Variants in FYTTD1 observed in about 807,000 individuals in gnomAD.
The protein encoded by FYTTD1 is UAP56-interacting factor.
In FYTTD1, 22 loss-of-function variants were observed where a neutral mutation model predicts 40.9. The ratio of observed to expected loss-of-function variants is 0.54; its 90% CI spans 0.38 to 0.77. The LOEUF (loss-of-function observed/expected upper bound fraction) is 0.77. Among genes scored for constraint, FYTTD1 ranks in the 30% least tolerant of loss-of-function variants. The pLI is 0.00. For synonymous variants in FYTTD1, 140 were observed against 137.9 expected, an observed-to-expected ratio of 1.01 and a Z score of -0.10; for missense variants, 351 against 392.2, an observed-to-expected ratio of 0.90 and a Z score of 0.89.
At chr3:197,772,637 G>C (rs986311678) in intron 4 of FYTTD1, among the ~76,000 whole-genome samples, 5 of 152,280 alleles carry the variant, frequency 3.3e-5, no homozygotes, top group South Asian at 2.1e-4. Flanking sequence ...TTTTTGAGAT[G>C]AAGTCTGTGT....
intron 2 of FYTTD1, among the ~76,000 whole-genome samples, chr3:197,764,527 G>A (rs1176057969): frequency 6.6e-6 from 1 of 152,160 alleles, no homozygotes; most frequent in Non-Finnish European, 1.5e-5. Flanking sequence ...GGCCAACATA[G>A]TGAAACCCCA....
chr3:197,783,000 AT>A lies in FYTTD1; in HGVS notation c.*1094del, dbSNP rs1267941778. 2 of 152,598 alleles carry A rather than the reference AT, an allele frequency of 1.3e-5. No homozygotes were observed. The highest frequency in any genetic ancestry group is 3.8e-4 in the East Asian group (2 of 5,204). The allele number at this position is 152,598 out of a possible 1,614,324, so 9.5% of individuals were successfully genotyped here. ...ATGTCACAGAGAAAAAAAATGCAAA[AT>A]TTATAATAGAGTTACATTAACCTTG... On this transcript the variant is annotated 3_prime_UTR_variant, in exon 9 of 9. Coordinates refer to ENST00000241502, the MANE Select transcript of FYTTD1 (RefSeq NM_032288.7).
chr3:197,775,738 G>A (rs1025475230), intron 6 of FYTTD1, among the ~76,000 whole-genome samples: 8 of 152,320 alleles, frequency 5.3e-5, no homozygotes, highest in Non-Finnish European at 8.8e-5. Context: ...ACTGATACAG[G>A]TGGTATTCTT....
At chr3:197,767,465 A>G (rs1230160206) in intron 2 of FYTTD1, among the ~76,000 whole-genome samples, 1 of 149,904 alleles carries the variant, frequency 6.7e-6, no homozygotes, top group Non-Finnish European at 1.5e-5. Flanking sequence ...AACTAGAAAA[A>G]AGTATTTACT....
chr3:197,772,367 TAGA>T (rs994367294), intron 4 of FYTTD1, among the ~76,000 whole-genome samples: 1 of 152,192 alleles, frequency 6.6e-6, no homozygotes, highest in African/African-American at 2.4e-5. Context: ...CATGGAATGT[TAGA>T]GGATTGAATA....
intron 4 of FYTTD1, among the ~76,000 whole-genome samples, chr3:197,772,046 A>G (rs984052756): frequency 6.6e-6 from 1 of 152,124 alleles, no homozygotes; most frequent in African/African-American, 2.4e-5. Flanking sequence ...GTGAGTCAAG[A>G]TGGTGCCACT....
intron 7 of FYTTD1, among the ~76,000 whole-genome samples, chr3:197,777,950 G>C (rs149805548): frequency 1.4e-4 from 21 of 151,792 alleles, no homozygotes; most frequent in Admixed American, 1.0e-3. Flanking sequence ...GGCCTCAAGC[G>C]ATCCTTGTGC....
rs536800106 is a variant in FYTTD1, at chr3:197,750,627, G to C, written c.103+553G>C. 1.1e-4 allele frequency: 104 copies of C among 985,406 alleles called. No homozygotes were observed. The South Asian group carries it at 1.8e-3, about 17-fold the overall frequency. 61.0% of individuals were successfully genotyped at this position (985,406 alleles called of 1,614,324 possible). A position where few individuals can be genotyped will look rare whatever the true frequency, so the allele number is the denominator to read the frequency against. On this transcript the variant is annotated intron_variant, in intron 1 of 8. Transcript: ENST00000241502. ...GCCATGGCTGCCGGGCGCGACTCTC[G>C]GGGCCACCTCCGGCCGCGGCCCCGG...
intron 2 of FYTTD1, among the ~76,000 whole-genome samples, chr3:197,760,989 T>G (rs1311536537): frequency 1.3e-5 from 2 of 150,554 alleles, no homozygotes; most frequent in Non-Finnish European, 2.9e-5. Flanking sequence ...TGTTCTTCAG[T>G]GGTAGAATGT....
intron 6 of FYTTD1, among the ~76,000 whole-genome samples, chr3:197,775,803 CT>C (rs1205640543): frequency 1.3e-5 from 2 of 152,128 alleles, no homozygotes; most frequent in Non-Finnish European, 2.9e-5. Context: ...TAATTGTAGC[CT>C]TTTTGCTTCT....
At chr3:197,750,640 G>A in intron 1 of FYTTD1, 1 of 985,348 alleles carries the variant, frequency 1.0e-6, no homozygotes, top group Non-Finnish European at 1.2e-6. Context: ...GCCACCTCCG[G>A]CCGCGGCCCC....
chr3:197,757,888 T>C (rs924980077), intron 2 of FYTTD1, among the ~76,000 whole-genome samples: 1 of 152,228 alleles, frequency 6.6e-6, no homozygotes, highest in East Asian at 1.9e-4. Flanking sequence ...AAATGAAGTT[T>C]AGTTCCAGTG....
chr3:197,771,546 G>A (rs1171695035), intron 4 of FYTTD1, among the ~76,000 whole-genome samples: 1 of 152,058 alleles, frequency 6.6e-6, no homozygotes, highest in Non-Finnish European at 1.5e-5. Flanking sequence ...GGAGGCCGAG[G>A]CGGGCGGATC....
intron 6 of FYTTD1, among the ~76,000 whole-genome samples, chr3:197,774,769 C>T (rs1324606956): frequency 6.0e-5 from 9 of 150,596 alleles, no homozygotes; most frequent in Admixed American, 4.0e-4. Context: ...CAGCATAGCT[C>T]GATGGCCAGT....
chr3:197,779,014 A>G (rs557365897), intron 8 of FYTTD1, among the ~76,000 whole-genome samples: 1 of 152,198 alleles, frequency 6.6e-6, no homozygotes, highest in East Asian at 1.9e-4. Flanking sequence ...TCCCACCAGC[A>G]TCTATGAGGG....
At chr3:197,751,636 C>T (rs867053615) in intron 1 of FYTTD1, among the ~76,000 whole-genome samples, 7 of 149,744 alleles carry the variant, frequency 4.7e-5, no homozygotes, top group African/African-American at 1.5e-4. Context: ...TGTCTCCCCC[C>T]GCTCTCCCCC....
intron 2 of FYTTD1, among the ~76,000 whole-genome samples, chr3:197,767,105 C>A (rs1009342827): frequency 2.0e-5 from 3 of 151,486 alleles, no homozygotes; most frequent in African/African-American, 7.3e-5. Flanking sequence ...AGCCCCTGAA[C>A]CAGAATAGGT....
In FYTTD1 at chr3:197,775,567, A is replaced by G. The variant is rs185740183; in HGVS notation, c.656+1357A>G. Among the ~76,000 whole-genome samples the G allele has an allele frequency of 2.8e-3, 428 of 152,348 alleles. 1 individual carries two copies. The highest frequency in any genetic ancestry group is 3.7e-3 in the Non-Finnish European group (253 of 68,036). On this transcript the variant is annotated intron_variant, in intron 6 of 8. Coordinates refer to ENST00000241502, the MANE Select transcript of FYTTD1 (RefSeq NM_032288.7). ...TCAAGTCCCTTACAATCGGCCCTCC[A>G]TATCCGTGGATTGTTTTCATTCTGC...
At chr3:197,774,820 A>C (rs529455355) in intron 6 of FYTTD1, among the ~76,000 whole-genome samples, 1 of 152,034 alleles carries the variant, frequency 6.6e-6, no homozygotes, top group African/African-American at 2.4e-5. Context: ...GCCAGTGCAT[A>C]CCATCCTGAG....
Sources: gnomAD v4.1 joint callset for allele counts (sites outside exome capture counted in the v4.1 genomes callset) on GRCh38, gnomAD v4.1.1 for gene constraint, MANE v1.5 for transcripts, NCBI Gene and HGNC (gene_info 2026-07-23, HGNC 2026-07-21) for gene names.